The following TNFRSF19 variants were observed in gnomAD, a reference collection of about 807,000 sequenced individuals.
TNFRSF19 encodes the protein TNF receptor superfamily member 19.
In TNFRSF19, 27 loss-of-function variants were observed where a neutral mutation model predicts 46.4. The ratio of observed to expected loss-of-function variants is 0.58; its 90% CI spans 0.43 to 0.80. TNFRSF19 has a LOEUF of 0.80. TNFRSF19 is among the 30% of genes least tolerant of loss of function. TNFRSF19 has a pLI of 0.00. For missense variants in TNFRSF19, 511 were observed against 530.8 expected (o/e 0.96, Z 0.37); for synonymous variants, 204 against 205.0 (o/e 1.00, Z 0.04).
intron 5 of TNFRSF19, among the ~76,000 whole-genome samples, chr13:23,630,668 C>G (rs1882300235): frequency 6.6e-6 from 1 of 152,184 alleles, no homozygotes; most frequent in African/African-American, 2.4e-5. Context: ...ACTTCAGTTC[C>G]TAATCACCTG....
At chr13:23,669,583 G>A (rs1451064140) in intron 9 of TNFRSF19, 5 of 985,028 alleles carry the variant, frequency 5.1e-6, no homozygotes, top group Non-Finnish European at 6.0e-6. Context: ...GGATCACTCT[G>A]CTTTACCGGA....
At chr13:23,618,502 A>C (rs1566189167) in intron 4 of TNFRSF19, among the ~76,000 whole-genome samples, 1 of 152,168 alleles carries the variant, frequency 6.6e-6, no homozygotes, top group Non-Finnish European at 1.5e-5. Context: ...CGGTGATGAC[A>C]TGGAGAGATT....
chr13:23,615,205 A>G (rs118083020), intron 3 of TNFRSF19, among the ~76,000 whole-genome samples: 5,356 of 152,318 alleles, frequency 0.035, 126 homozygotes, highest in Non-Finnish European at 0.057. Context: ...TATGTGGGTC[A>G]GAGAGCCATT....
intron 5 of TNFRSF19, among the ~76,000 whole-genome samples, chr13:23,656,289 G>A (rs779526146): frequency 2.0e-4 from 30 of 152,146 alleles, no homozygotes; most frequent in Non-Finnish European, 3.7e-4. Flanking sequence ...TATTAGATAT[G>A]TGTTAACAAG....
chr13:23,598,164 A>C lies in TNFRSF19; in HGVS notation c.180+4709A>C, dbSNP rs1329714232. On this transcript the variant is annotated intron_variant, in intron 3 of 9. Transcript: ENST00000248484. ...TAGTGAATGGGCAAAAGCTGGAAGC[A>C]TTCCCATTCTCATTGAACAATGAGA... Among the ~76,000 whole-genome samples the C allele has an allele frequency of 3.9e-5, 6 of 152,180 alleles. No homozygotes were observed. The East Asian group carries it at 9.6e-4, about 24-fold the overall frequency.
At chr13:23,651,840 CT>C (rs71070609) in intron 5 of TNFRSF19, among the ~76,000 whole-genome samples, 935 of 35,952 alleles carry the variant, frequency 0.026, 7 homozygotes, top group South Asian at 0.034. Flanking sequence ...ACACTATAGT[CT>C]TTTTTTTTTT....
intron 5 of TNFRSF19, among the ~76,000 whole-genome samples, chr13:23,637,654 T>C (rs1244787586): frequency 6.6e-6 from 1 of 150,768 alleles, no homozygotes; most frequent in Non-Finnish European, 1.5e-5. Context: ...TGTGCACAGA[T>C]ATACATTTTT....
chr13:23,666,245 G>A (rs908052874), intron 7 of TNFRSF19, among the ~76,000 whole-genome samples: 3 of 152,156 alleles, frequency 2.0e-5, no homozygotes, highest in Admixed American at 6.5e-5. Flanking sequence ...TGGAGGCTGT[G>A]TAAATATCCT....
chr13:23,670,931 A>G (rs1185487399), intron 9 of TNFRSF19, among the ~76,000 whole-genome samples: 1 of 152,240 alleles, frequency 6.6e-6, no homozygotes, highest in Non-Finnish European at 1.5e-5. Flanking sequence ...GTCAGGAAAC[A>G]GAATTACCAC....
chr13:23,669,068 A>G lies in TNFRSF19; in HGVS notation c.1216A>G (p.Ile406Val). Residue 406 changes from isoleucine to valine, a missense_variant, in exon 9 of 10, where the codon ATC (isoleucine) becomes GTC (valine). Ile to Val is a conservative substitution (Grantham distance 29, BLOSUM62 3). Transcript: ENST00000248484. ...SQLDQESGAV[I>V]HPATQTSLQE... ...GCTAGATCAGGAGAGTGGTGCTGTC[A>G]TCCACCCAGCCACTCAGACGTCCCT... 1 of 1,614,156 alleles carries G rather than the reference A, an allele frequency of 6.2e-7. No individual in the cohort carries two copies. The highest frequency in any genetic ancestry group is 8.5e-7 in the Non-Finnish European group (1 of 1,180,020).
intron 5 of TNFRSF19, among the ~76,000 whole-genome samples, chr13:23,654,425 G>A (rs1022781163): frequency 2.6e-5 from 4 of 151,896 alleles, no homozygotes; most frequent in African/African-American, 7.3e-5. Context: ...CTGCCCCCAC[G>A]TCTGATCACA....
intron 5 of TNFRSF19, among the ~76,000 whole-genome samples, chr13:23,645,733 G>A (rs184712816): frequency 1.1e-4 from 16 of 152,194 alleles, no homozygotes; most frequent in East Asian, 1.9e-4. Context: ...GGCTTTGGAC[G>A]TTACCTATGC....
At chr13:23,609,171 G>A (rs1379211311) in intron 3 of TNFRSF19, among the ~76,000 whole-genome samples, 1 of 152,126 alleles carries the variant, frequency 6.6e-6, no homozygotes, top group Non-Finnish European at 1.5e-5. Context: ...TTATCCCATT[G>A]AGCCATATTT....
intron 2 of TNFRSF19, among the ~76,000 whole-genome samples, chr13:23,593,061 G>T (rs979116622): frequency 2.6e-5 from 4 of 152,090 alleles, no homozygotes; most frequent in South Asian, 2.1e-4. Flanking sequence ...GTCCCAGAGG[G>T]TATCTGAGGA....
chr13:23,658,153 G>A (rs1884105194), intron 5 of TNFRSF19, among the ~76,000 whole-genome samples: 1 of 152,150 alleles, frequency 6.6e-6, no homozygotes. Flanking sequence ...TGATTTAAAT[G>A]AGTTTGTTTA....
rs182539087 is a variant in TNFRSF19 at position 23,582,156 on chromosome 13, G to A, written c.-34-7994G>A. On this transcript the variant is annotated intron_variant, in intron 1 of 9. Coordinates refer to ENST00000248484, the MANE Select transcript of TNFRSF19 (RefSeq NM_148957.4). ...AGCACTTTGGGAGGCCGAGGCGGGC[G>A]GATCAGGTGGTCAGGAGATCAAGAC... Among the ~76,000 whole-genome samples the A allele has an allele frequency of 8.0e-3, 1,213 of 151,264 alleles. 12 individuals are homozygous for A. The highest frequency in any genetic ancestry group is 0.012 in the Non-Finnish European group (819 of 67,850).
chr13:23,592,233 C>T (rs971789597), intron 2 of TNFRSF19, among the ~76,000 whole-genome samples: 2 of 152,142 alleles, frequency 1.3e-5, no homozygotes, highest in Non-Finnish European at 2.9e-5. Flanking sequence ...ACAGCAGTGT[C>T]TGTTACCCCA....
intron 6 of TNFRSF19, among the ~76,000 whole-genome samples, chr13:23,660,031 G>T (rs1333081723): frequency 6.6e-6 from 1 of 152,108 alleles, no homozygotes; most frequent in Non-Finnish European, 1.5e-5. Context: ...GAAAATCTGT[G>T]TATAAGTGAC....
intron 7 of TNFRSF19, among the ~76,000 whole-genome samples, chr13:23,662,751 C>A (rs370239790): frequency 7.2e-4 from 110 of 152,198 alleles, no homozygotes; most frequent in African/African-American, 2.5e-3. Context: ...TAGCTGTATT[C>A]TTAAGTATTT....
Sources: gnomAD v4.1 joint callset for allele counts (sites outside exome capture counted in the v4.1 genomes callset) on GRCh38, gnomAD v4.1.1 for gene constraint, MANE v1.5 for transcripts, NCBI Gene and HGNC (gene_info 2026-07-23, HGNC 2026-07-21) for gene names.